Variants in ABTB2 observed in about 807,000 individuals in gnomAD.
The protein encoded by ABTB2 is ankyrin repeat and BTB/POZ domain-containing protein 2.
Under a neutral mutation model 104.1 loss-of-function variants are expected in ABTB2, and 56 were observed. The observed-to-expected ratio is 0.54, with a 90% confidence interval of 0.43 to 0.67. ABTB2 has a LOEUF of 0.67. ABTB2 is among the 30% of genes least tolerant of loss of function. ABTB2 has a pLI of 0.00. For synonymous variants in ABTB2, 606 were observed against 608.2 expected, an observed-to-expected ratio of 1.00 and a Z score of 0.05; for missense variants, 1,279 against 1,407.7, an observed-to-expected ratio of 0.91 and a Z score of 1.46.
intron 5 of ABTB2, among the ~76,000 whole-genome samples, chr11:34,170,211 C>G (rs925548666): frequency 2.6e-5 from 4 of 152,184 alleles, no homozygotes; most frequent in African/African-American, 9.7e-5. Flanking sequence ...CCTCAATTTC[C>G]TCATCTATAC....
intron 14 of ABTB2, among the ~76,000 whole-genome samples, chr11:34,158,185 C>G (rs147932895): frequency 1.3e-5 from 2 of 152,158 alleles, no homozygotes; most frequent in African/African-American, 4.8e-5. Flanking sequence ...GAGGCCAAGG[C>G]GGGTGGATCA....
At chr11:34,307,954 C>T (rs528257130) in intron 1 of ABTB2, among the ~76,000 whole-genome samples, 16 of 152,178 alleles carry the variant, frequency 1.1e-4, no homozygotes, top group Non-Finnish European at 1.3e-4. Flanking sequence ...CCTTGGCCTC[C>T]CAAAGTGCTG....
chr11:34,206,406 A>AC (rs1853408129), intron 1 of ABTB2, among the ~76,000 whole-genome samples: 1 of 151,988 alleles, frequency 6.6e-6, no homozygotes. Flanking sequence ...AAACAAAAAA[A>AC]CCCTGTGTGA....
At chr11:34,204,778 GCTCC>G in intron 1 of ABTB2, 88 bp from the exon 2 acceptor site, 5 of 1,410,078 alleles carry the variant, frequency 3.5e-6, no homozygotes, top group Non-Finnish European at 4.8e-6. Context: ...GCTCAGCCCT[GCTCC>G]CCTGCTCTTG....
chr11:34,316,639 G>C (rs2133108242), intron 1 of ABTB2, among the ~76,000 whole-genome samples: 1 of 152,272 alleles, frequency 6.6e-6, no homozygotes, highest in Non-Finnish European at 1.5e-5. Context: ...TGCCACTGGT[G>C]CTGCTGAAGC....
chr11:34,225,622 G>A (rs1225692732), intron 1 of ABTB2, among the ~76,000 whole-genome samples: 1 of 151,872 alleles, frequency 6.6e-6, no homozygotes, highest in South Asian at 2.1e-4. Flanking sequence ...CGGTGTGGTG[G>A]CACATGCCTG....
At chr11:34,161,628 A>G (rs1852722160) in intron 10 of ABTB2, among the ~76,000 whole-genome samples, 2 of 152,304 alleles carry the variant, frequency 1.3e-5, no homozygotes, top group Non-Finnish European at 2.9e-5. Flanking sequence ...AGCACTGGAA[A>G]GCCGCTGCAC....
intron 1 of ABTB2, among the ~76,000 whole-genome samples, chr11:34,282,041 G>C (rs116595392): frequency 0.011 from 1,749 of 152,290 alleles, 27 homozygotes; most frequent in African/African-American, 0.039. Context: ...AGAAACAACA[G>C]AAATTCATCT....
chr11:34,354,530 A>G (rs1590268515), intron 1 of ABTB2, among the ~76,000 whole-genome samples: 1 of 152,082 alleles, frequency 6.6e-6, no homozygotes, highest in Admixed American at 6.5e-5. Context: ...CAAAAGACCA[A>G]CTTATAAAGG....
At chr11:34,171,615 A>G (rs1852875138) in intron 4 of ABTB2, among the ~76,000 whole-genome samples, 1 of 152,128 alleles carries the variant, frequency 6.6e-6, no homozygotes, top group Admixed American at 6.5e-5. Context: ...AAGTGTTCTG[A>G]GCCCTTGTTG....
chr11:34,167,220 T>G, intron 7 of ABTB2, 39 bp downstream of exon 7: 1 of 1,555,682 alleles, frequency 6.4e-7, no homozygotes, highest in Non-Finnish European at 8.8e-7. Context: ...GGTCACCTGG[T>G]AAGCTGGGGG....
At chr11:34,192,045 C>G (rs1299848005) in intron 3 of ABTB2, among the ~76,000 whole-genome samples, 1 of 152,218 alleles carries the variant, frequency 6.6e-6, no homozygotes, top group African/African-American at 2.4e-5. Flanking sequence ...AATCCCAGCA[C>G]TTTGGGAGGC....
intron 3 of ABTB2, among the ~76,000 whole-genome samples, chr11:34,173,975 A>G (rs919854507): frequency 3.3e-5 from 5 of 152,180 alleles, no homozygotes; most frequent in Admixed American, 1.3e-4. Flanking sequence ...TGGCACCTAG[A>G]CTGAGGTGGG....
intron 1 of ABTB2, among the ~76,000 whole-genome samples, chr11:34,354,792 G>A (rs1488089252): frequency 2.0e-5 from 3 of 152,216 alleles, no homozygotes; most frequent in Admixed American, 2.0e-4. Flanking sequence ...CCTTATTCTT[G>A]TTTGGCTTAT....
intron 3 of ABTB2, among the ~76,000 whole-genome samples, chr11:34,191,574 T>C (rs1045010149): frequency 6.6e-6 from 1 of 152,146 alleles, no homozygotes. Context: ...CAGAACTACA[T>C]ATCAGACTTC....
In ABTB2 at chr11:34,357,635, T is replaced by A. The variant is rs1286358956; in HGVS notation, c.-52A>T. The stretch of plus-strand genomic sequence containing the variant: ...CGAGCGAGGGGCACTCACAACTCCA[T>A]GCCCTCTTTCCCAAGTGGGCAGAAA... On this transcript the variant is annotated 5_prime_UTR_variant, in exon 1 of 17. The change abolishes an upstream ATG in the 5' untranslated region. Coordinates refer to ENST00000435224, the MANE Select transcript of ABTB2 (RefSeq NM_145804.3). 1.4e-6 allele frequency: 2 copies of A among 1,448,986 alleles called. No individual in the cohort carries two copies. The highest frequency in any genetic ancestry group is 2.9e-5 in the African/African-American group (2 of 70,030). The allele number at this position is 1,448,986 out of a possible 1,614,324, so 89.8% of individuals were successfully genotyped here. A position where few individuals can be genotyped will look rare whatever the true frequency, so the allele number is the denominator to read the frequency against.
chr11:34,222,067 A>G (rs927186417), intron 1 of ABTB2, among the ~76,000 whole-genome samples: 1 of 152,064 alleles, frequency 6.6e-6, no homozygotes, highest in Non-Finnish European at 1.5e-5. Context: ...CAAAACAACA[A>G]CAACAAAAAA....
intron 1 of ABTB2, among the ~76,000 whole-genome samples, chr11:34,352,699 A>C (rs1855413557): frequency 6.6e-6 from 1 of 152,226 alleles, no homozygotes; most frequent in Non-Finnish European, 1.5e-5. Flanking sequence ...CCCATTTTGC[A>C]GATGACAAAA....
chr11:34,239,300 G>A (rs1309816102), intron 1 of ABTB2, among the ~76,000 whole-genome samples: 1 of 152,130 alleles, frequency 6.6e-6, no homozygotes, highest in Non-Finnish European at 1.5e-5. Context: ...AGTCTACCCT[G>A]AGGCTGAGCC....
Sources: gnomAD v4.1 joint callset for allele counts (sites outside exome capture counted in the v4.1 genomes callset) on GRCh38, gnomAD v4.1.1 for gene constraint, MANE v1.5 for transcripts, NCBI Gene and HGNC (gene_info 2026-07-23, HGNC 2026-07-21) for gene names.